The following TNPO3 variants were observed in gnomAD, a reference collection of about 807,000 sequenced individuals.
TNPO3 encodes transportin-3.
In TNPO3, 65 loss-of-function variants were observed where a neutral mutation model predicts 122.8. The ratio of observed to expected loss-of-function variants is 0.53; its 90% CI spans 0.43 to 0.65. TNPO3 has a LOEUF of 0.65. Among genes scored for constraint, TNPO3 ranks in the 30% least tolerant of loss-of-function variants. The pLI, the probability that TNPO3 is intolerant of heterozygous loss-of-function variation, is 0.00. For synonymous variants in TNPO3, 372 were observed against 411.2 expected, an observed-to-expected ratio of 0.90 and a Z score of 1.15; for missense variants, 850 against 1,136.7, an observed-to-expected ratio of 0.75 and a Z score of 3.63.
intron 1 of TNPO3, among the ~76,000 whole-genome samples, chr7:129,053,494 C>CAAAAAAAAAAAAAAAAAA (rs752196402): frequency 1.7e-5 from 1 of 59,504 alleles, no homozygotes; most frequent in Non-Finnish European, 3.9e-5. Context: ...GACTCTGTCT[C>CAAAAAAAAAAAAAAAAAA]AAAAAAAAAA....
At chr7:129,046,637 C>G (rs1334427670) in intron 1 of TNPO3, among the ~76,000 whole-genome samples, 3 of 152,104 alleles carry the variant, frequency 2.0e-5, no homozygotes, top group African/African-American at 7.2e-5. Flanking sequence ...ATTCCATGAC[C>G]CATGTATTAA....
chr7:128,980,042 A>C lies in TNPO3; in HGVS notation c.1860-11T>G. 1.9e-6 allele frequency: 3 copies of C among 1,613,964 alleles called. No individual in the cohort carries two copies. In the South Asian group the frequency reaches 3.3e-5, roughly 18 times the overall value. ...ATGGGATTGGTATGCCTGGGAAAAGACAACAGCCCAAAATAGTGAACAAAG... is the reference window on the plus strand; with the variant it reads ...ATGGGATTGGTATGCCTGGGAAAAGCCAACAGCCCAAAATAGTGAACAAAG... On this transcript the variant is annotated splice_polypyrimidine_tract_variant and intron_variant, in intron 14 of 22. Transcript: ENST00000265388.
At chr7:128,987,764 G>C (rs1329949221) in intron 11 of TNPO3, among the ~76,000 whole-genome samples, 4 of 151,958 alleles carry the variant, frequency 2.6e-5, no homozygotes, top group African/African-American at 9.7e-5. Context: ...TTTTAGTAGA[G>C]ACGATTGTTT....
intron 5 of TNPO3, among the ~76,000 whole-genome samples, chr7:129,002,827 T>A (rs1005750341): frequency 6.6e-6 from 1 of 150,916 alleles, no homozygotes; most frequent in African/African-American, 2.4e-5. Context: ...CTGAGGCCGG[T>A]AGATCACGAG....
At chr7:129,016,888 G>A in intron 3 of TNPO3, 95 bp downstream of exon 3, 1 of 1,042,428 alleles carries the variant, frequency 9.6e-7, no homozygotes, top group Non-Finnish European at 1.5e-6. Context: ...AGAGTTCAGG[G>A]AAATAGTCAA....
rs1265318757 is a variant in TNPO3, at chr7:128,986,918, G to T, written c.1501C>A (p.Pro501Thr). ...VVDRNPQFLDPVLGYLMKGLC... is the reference protein window; with the variant it reads ...VVDRNPQFLDTVLGYLMKGLC... The stretch of plus-strand genomic sequence containing the variant: ...CCTTTCATCAAATAGCCCAACACAG[G>T]GTCTAAGAAGAAAAGCCAAGCAGAG... The change falls in exon 12 of 23, where the codon CCT (proline) becomes ACT (threonine). Residue 501 changes from proline (P) to threonine (T), a missense_variant and splice_region_variant. Coordinates refer to ENST00000265388, the MANE Select transcript of TNPO3 (RefSeq NM_012470.4). 6.3e-7 allele frequency: 1 copy of T among 1,599,394 alleles called. No individual in the cohort carries two copies. Among genetic ancestry groups the T allele is most frequent in the South Asian group, 1.1e-5 (1 of 89,046 alleles).
chr7:129,028,630 T>C (rs1805545503), intron 1 of TNPO3, among the ~76,000 whole-genome samples: 1 of 152,206 alleles, frequency 6.6e-6, no homozygotes, highest in African/African-American at 2.4e-5. Flanking sequence ...CAGCACTACC[T>C]TGGGCCAGCA....
At chr7:128,967,475 C>T (rs1798035223) in intron 20 of TNPO3, 83 bp from the exon 21 acceptor site, 15 of 875,046 alleles carry the variant, frequency 1.7e-5, no homozygotes, top group Non-Finnish European at 3.7e-6. Context: ...CAAAACCCCA[C>T]AAATTTTCCT....
Position 128,986,788 on chromosome 7 carries a change from A to G in TNPO3, c.1631T>C (p.Ile544Thr). Residue 544 changes from isoleucine (I) to threonine (T), a missense_variant, in exon 12 of 23, where the codon ATT becomes ACT. Physicochemically the swap from Ile to Thr is moderately conservative, Grantham distance 89. Coordinates refer to ENST00000265388, the MANE Select transcript of TNPO3 (RefSeq NM_012470.4). ...MAQHFNGLLE[I>T]ARSLDSFLLS... ...CAGGAAGGAATCGAGGGAGCGGGCAATCTCCAGGAGTCCATTAAAGTGCTG... is the reference window on the plus strand; with the variant it reads ...CAGGAAGGAATCGAGGGAGCGGGCAGTCTCCAGGAGTCCATTAAAGTGCTG... 6.2e-7 allele frequency: 1 copy of G among 1,614,124 alleles called. No individual in the cohort carries two copies. The highest frequency in any genetic ancestry group is 8.5e-7 in the Non-Finnish European group (1 of 1,180,002).
chr7:129,027,393 T>C (rs1449100935), intron 1 of TNPO3, among the ~76,000 whole-genome samples: 1 of 151,006 alleles, frequency 6.6e-6, no homozygotes, highest in African/African-American at 2.4e-5. Flanking sequence ...AAACCCCATA[T>C]CTACTAAAAA....
At chr7:129,021,211 T>C (rs1056597599) in intron 1 of TNPO3, among the ~76,000 whole-genome samples, 20 of 151,938 alleles carry the variant, frequency 1.3e-4, no homozygotes, top group Non-Finnish European at 2.6e-4. Flanking sequence ...AAAAATTAGC[T>C]GGGCATGTTG....
chr7:129,027,850 C>T (rs1033374880), intron 1 of TNPO3, among the ~76,000 whole-genome samples: 16 of 152,104 alleles, frequency 1.1e-4, no homozygotes, highest in African/African-American at 3.1e-4. Flanking sequence ...AAGAGAAGCC[C>T]TGGTAAATAC....
rs1347818023 is a variant in TNPO3 at position 128,954,843 on chromosome 7, AAG to A, written c.*572_*573del. The A allele has an allele frequency of 1.3e-5, 2 of 154,676 alleles. No individual in the cohort carries two copies. Among genetic ancestry groups the A allele is most frequent in the East Asian group, 1.9e-4 (1 of 5,208 alleles). The allele number at this position is 154,676 out of a possible 1,614,324, so 9.6% of individuals were successfully genotyped here. On this transcript the variant is annotated 3_prime_UTR_variant, in exon 23 of 23. Coordinates refer to ENST00000265388, the MANE Select transcript of TNPO3 (RefSeq NM_012470.4). ...AAAGAGAAGGAAGGGTAGGAGAGGA[AAG>A]AGAGGACAAAACAATAGAAAACCTG...
intron 7 of TNPO3, among the ~76,000 whole-genome samples, chr7:128,998,783 A>G (rs1372896698): frequency 1.3e-5 from 2 of 152,142 alleles, no homozygotes; most frequent in South Asian, 2.1e-4. Context: ...CTCAGCCTCC[A>G]AAAGTGTTAA....
At chr7:128,959,159 G>T (rs1585318470) in intron 21 of TNPO3, among the ~76,000 whole-genome samples, 1 of 152,208 alleles carries the variant, frequency 6.6e-6, no homozygotes, top group African/African-American at 2.4e-5. Flanking sequence ...CAGGGTATGT[G>T]AGCCCATATC....
chr7:128,981,885 T>C (rs1206066524), intron 14 of TNPO3, among the ~76,000 whole-genome samples: 2 of 152,070 alleles, frequency 1.3e-5, no homozygotes, highest in Admixed American at 1.3e-4. Flanking sequence ...CATGCCACCA[T>C]ACCCAGCTAA....
chr7:129,017,845 C>T (rs1804019307), intron 2 of TNPO3, 112 bp downstream of exon 2: 7 of 1,027,176 alleles, frequency 6.8e-6, no homozygotes, highest in East Asian at 5.1e-5. Context: ...CATAGCAGTA[C>T]ATCTGTAATG....
At chr7:129,037,256 C>A (rs912152229) in intron 1 of TNPO3, among the ~76,000 whole-genome samples, 2 of 152,106 alleles carry the variant, frequency 1.3e-5, no homozygotes, top group African/African-American at 4.8e-5. Flanking sequence ...GTTAACAATA[C>A]ACGAAAGCAA....
intron 8 of TNPO3, among the ~76,000 whole-genome samples, chr7:128,994,198 C>A (rs1372501748): frequency 6.6e-6 from 1 of 152,094 alleles, no homozygotes; most frequent in Non-Finnish European, 1.5e-5. Flanking sequence ...CACTCTGTCG[C>A]CCAGGCTGGA....
Sources: gnomAD v4.1 joint callset for allele counts (sites outside exome capture counted in the v4.1 genomes callset) on GRCh38, gnomAD v4.1.1 for gene constraint, MANE v1.5 for transcripts, NCBI Gene and HGNC (gene_info 2026-07-23, HGNC 2026-07-21) for gene names.